The following ADGRL3 variants were observed in gnomAD, a reference collection of about 807,000 sequenced individuals.
The protein encoded by ADGRL3 is adhesion G protein-coupled receptor L3.
Under a neutral mutation model 153.5 loss-of-function variants are expected in ADGRL3, and 62 were observed. The ratio of observed to expected loss-of-function variants is 0.40; its 90% CI spans 0.33 to 0.50. The LOEUF is 0.50. Ranked by LOEUF, ADGRL3 falls within the 20% of genes least tolerant of loss-of-function variation. The pLI, the probability that ADGRL3 is intolerant of heterozygous loss-of-function variation, is 0.47. For missense variants in ADGRL3, 1,641 were observed against 1,859.4 expected, an observed-to-expected ratio of 0.88 and a Z score of 2.16; for synonymous variants, 710 against 672.5, an observed-to-expected ratio of 1.06 and a Z score of -0.86.
At chr4:61,446,885 C>T (rs1244874933) in intron 2 of ADGRL3, among the ~76,000 whole-genome samples, 1 of 152,148 alleles carries the variant, frequency 6.6e-6, no homozygotes, top group Non-Finnish European at 1.5e-5. Flanking sequence ...AAGGTAGGTG[C>T]CAAATTTCAT....
At chr4:61,893,594 A>T (rs1005693542) in intron 10 of ADGRL3, among the ~76,000 whole-genome samples, 3 of 152,086 alleles carry the variant, frequency 2.0e-5, no homozygotes, top group African/African-American at 7.2e-5. Flanking sequence ...AAGGCTCTTA[A>T]CACTGTCAGG....
At chr4:61,336,259 T>A (rs1202841459) in intron 1 of ADGRL3, among the ~76,000 whole-genome samples, 1 of 152,172 alleles carries the variant, frequency 6.6e-6, no homozygotes, top group African/African-American at 2.4e-5. Flanking sequence ...CCCTGAAGCC[T>A]CTTGAAAAAT....
At chr4:61,313,952 C>T (rs776852615) in intron 1 of ADGRL3, among the ~76,000 whole-genome samples, 11 of 152,048 alleles carry the variant, frequency 7.2e-5, no homozygotes, top group African/African-American at 2.4e-4. Context: ...GCTCTCCTAA[C>T]GTGCACATCT....
At chr4:61,796,086 C>G (rs1268072236) in intron 8 of ADGRL3, among the ~76,000 whole-genome samples, 1 of 152,140 alleles carries the variant, frequency 6.6e-6, no homozygotes, top group Non-Finnish European at 1.5e-5. Flanking sequence ...CCTGATTCAC[C>G]TGCCTCAGCT....
At chr4:61,525,489 C>T (rs2098553803) in intron 4 of ADGRL3, among the ~76,000 whole-genome samples, 1 of 152,072 alleles carries the variant, frequency 6.6e-6, no homozygotes, top group South Asian at 2.1e-4. Flanking sequence ...AGACTCTGTA[C>T]ATAATTGTGT....
chr4:61,553,253 A>G (rs2098748487), intron 4 of ADGRL3, among the ~76,000 whole-genome samples: 1 of 152,194 alleles, frequency 6.6e-6, no homozygotes. Flanking sequence ...TTGGTTTGAA[A>G]TTCCACAGGC....
chr4:61,567,543 A>T lies in ADGRL3; in HGVS notation c.260-19684A>T, dbSNP rs912072135. ...TCTATGAGGAAGGGGTCCTCACTAG[A>T]CACCATATCTGTCAACACCTTGTTC... On this transcript the variant is annotated intron_variant, in intron 4 of 26. Transcript: ENST00000683033. Among the ~76,000 whole-genome samples, 3 of 152,134 alleles carry T rather than the reference A, an allele frequency of 2.0e-5. No individual in the cohort carries two copies. In the South Asian group the frequency reaches 6.2e-4, roughly 31 times the overall value.
At chr4:61,761,672 G>A (rs919520996) in intron 8 of ADGRL3, among the ~76,000 whole-genome samples, 1 of 152,202 alleles carries the variant, frequency 6.6e-6, no homozygotes, top group Non-Finnish European at 1.5e-5. Flanking sequence ...GCACACACTT[G>A]TAGTCCTGCC....
intron 13 of ADGRL3, among the ~76,000 whole-genome samples, chr4:61,924,957 T>C (rs2098788230): frequency 6.6e-6 from 1 of 152,196 alleles, no homozygotes; most frequent in African/African-American, 2.4e-5. Context: ...GATCATTTTT[T>C]CTCTGCTTTG....
intron 1 of ADGRL3, among the ~76,000 whole-genome samples, chr4:61,330,408 C>G (rs923592846): frequency 6.6e-6 from 1 of 152,140 alleles, no homozygotes; most frequent in Non-Finnish European, 1.5e-5. Flanking sequence ...GAGCTTAGGA[C>G]AGCCATCTTC....
chr4:61,761,539 G>T (rs1042992452), intron 8 of ADGRL3, among the ~76,000 whole-genome samples: 3 of 152,072 alleles, frequency 2.0e-5, no homozygotes, highest in African/African-American at 7.2e-5. Context: ...CATGCCCTTA[G>T]CCCCAGCACT....
intron 4 of ADGRL3, among the ~76,000 whole-genome samples, chr4:61,518,657 A>T (rs41357748): frequency 0.019 from 2,819 of 152,254 alleles, 87 homozygotes; most frequent in African/African-American, 0.064. Context: ...CTCCTAAGTC[A>T]CATCGTTCAA....
intron 1 of ADGRL3, among the ~76,000 whole-genome samples, chr4:61,341,592 A>G (rs2095809681): frequency 1.3e-5 from 2 of 151,986 alleles, no homozygotes; most frequent in South Asian, 4.1e-4. Flanking sequence ...TTATTTAAAA[A>G]TAGAAATATA....
In ADGRL3 at chr4:62,064,961, ATAT is replaced by A. The variant is rs1160940071; in HGVS notation, c.3815-3204_3815-3202del. Reference sequence around the variant, plus strand: ...CTTTGAATTTAAAATTTCTTAAGGGATATATGTCTTTAGAATTAGACGGCATAG... The same window carrying A: ...CTTTGAATTTAAAATTTCTTAAGGGAATGTCTTTAGAATTAGACGGCATAG... On this transcript the variant is annotated intron_variant, in intron 25 of 26. Coordinates refer to ENST00000683033, the MANE Select transcript of ADGRL3 (RefSeq NM_001387552.1). Among the ~76,000 whole-genome samples the A allele has an allele frequency of 2.6e-5, 4 of 152,176 alleles. No individual in the cohort carries two copies. The East Asian group carries it at 7.7e-4, about 29-fold the overall frequency.
At chr4:61,302,809 A>G (rs895107341) in intron 1 of ADGRL3, among the ~76,000 whole-genome samples, 2 of 152,160 alleles carry the variant, frequency 1.3e-5, no homozygotes, top group Non-Finnish European at 2.9e-5. Context: ...AAAACTATAT[A>G]CTTATTCCAG....
At chr4:61,501,771 CTAAAT>C (rs2098389475) in intron 3 of ADGRL3, among the ~76,000 whole-genome samples, 2 of 152,140 alleles carry the variant, frequency 1.3e-5, no homozygotes, top group Non-Finnish European at 2.9e-5. Context: ...CCCACTTGCT[CTAAAT>C]AGTCTGGTCC....
chr4:61,447,588 A>G (rs1281665972), intron 2 of ADGRL3, among the ~76,000 whole-genome samples: 1 of 152,240 alleles, frequency 6.6e-6, no homozygotes, highest in Admixed American at 6.5e-5. Flanking sequence ...TTGCATAATT[A>G]TAATCAGCAT....
intron 18 of ADGRL3, 43 bp from the exon 19 acceptor site, chr4:61,983,340 C>G: frequency 6.7e-7 from 1 of 1,497,478 alleles, no homozygotes; most frequent in Non-Finnish European, 9.3e-7. Flanking sequence ...ACTAGTATCC[C>G]ATGTGGTAGA....
chr4:62,045,494 G>GT (rs1304332390), intron 25 of ADGRL3, among the ~76,000 whole-genome samples: 1 of 151,840 alleles, frequency 6.6e-6, no homozygotes, highest in African/African-American at 2.4e-5. Flanking sequence ...ATTTCTGTTA[G>GT]TTTTTTGTTA....
Sources: allele counts gnomAD v4.1 joint callset (sites outside exome capture counted in the v4.1 genomes callset), GRCh38; gene constraint gnomAD v4.1.1; transcripts MANE v1.5; gene names NCBI Gene and HGNC (gene_info 2026-07-23, HGNC 2026-07-21).